The following ATP2C1 variants were observed in gnomAD, a reference collection of about 807,000 sequenced individuals.
The protein encoded by ATP2C1 is calcium-transporting ATPase type 2C member 1.
A neutral mutation model predicts 120.5 loss-of-function variants in ATP2C1; 31 were observed. The ratio of observed to expected loss-of-function variants is 0.26; its 90% CI spans 0.19 to 0.35. The LOEUF (loss-of-function observed/expected upper bound fraction) is 0.35. Ranked by LOEUF, ATP2C1 falls within the 10% of genes least tolerant of loss-of-function variation. The pLI, the probability that ATP2C1 is intolerant of heterozygous loss-of-function variation, is 1.00. For missense variants in ATP2C1, 731 were observed against 1,107.5 expected (o/e 0.66, Z 4.83); for synonymous variants, 351 against 358.7 (o/e 0.98, Z 0.24).
chr3:130,906,674 TG>T, intron 2 of ATP2C1, among the ~76,000 whole-genome samples: 1 of 136,896 alleles, frequency 7.3e-6, no homozygotes, highest in Non-Finnish European at 1.6e-5. Flanking sequence ...AACATTTTGC[TG>T]TTTTTTTTTT....
At chr3:130,982,444 A>T (rs943785935) in intron 20 of ATP2C1, among the ~76,000 whole-genome samples, 2 of 152,202 alleles carry the variant, frequency 1.3e-5, no homozygotes, top group Non-Finnish European at 2.9e-5. Context: ...TAAGGGGCCT[A>T]TCAAAGCCTG....
At chr3:130,972,539 T>C (rs2061368009) in intron 17 of ATP2C1, among the ~76,000 whole-genome samples, 2 of 151,174 alleles carry the variant, frequency 1.3e-5, no homozygotes, top group South Asian at 4.2e-4. Context: ...TAGTTACATA[T>C]GTATACATGT....
At chr3:130,891,239 A>AT, upstream of ATP2C1, among the ~76,000 whole-genome samples, 1 of 152,166 alleles carries the variant, frequency 6.6e-6, no homozygotes, top group Non-Finnish European at 1.5e-5. Flanking sequence ...TTTTAAAATA[A>AT]TTTTTTCCAA....
chr3:130,928,357 G>A (rs186064639), intron 2 of ATP2C1: 19 of 152,188 alleles, frequency 1.2e-4, no homozygotes, highest in South Asian at 4.1e-4. Flanking sequence ...AAATAATACC[G>A]TTTCCTACTC....
At chr3:130,979,497 T>A (rs1235277980) in intron 19 of ATP2C1, 78 bp downstream of exon 19, 1 of 1,392,478 alleles carries the variant, frequency 7.2e-7, no homozygotes. Flanking sequence ...GAACTATTAG[T>A]TATGAATATG....
chr3:130,941,750 A>C (rs1252075259), intron 8 of ATP2C1, 51 bp downstream of exon 8: 1 of 1,353,012 alleles, frequency 7.4e-7, no homozygotes, highest in East Asian at 2.3e-5. Flanking sequence ...ATGTAGATTA[A>C]AGGATAAACA....
At chr3:131,016,366 G>GT (rs1560057400) in exon 27 of ATP2C1, 1 of 1,613,308 alleles carries the variant, frequency 6.2e-7, no homozygotes, top group South Asian at 1.1e-5. Flanking sequence ...CCCAAGGGCA[G>GT]TATTTCTAAA....
chr3:130,905,247 A>G (rs935764338), intron 2 of ATP2C1, among the ~76,000 whole-genome samples: 1 of 152,040 alleles, frequency 6.6e-6, no homozygotes, highest in African/African-American at 2.4e-5. Context: ...GGTAACATGT[A>G]TGAACACATA....
At chr3:130,913,746 C>T (rs10460783) in intron 2 of ATP2C1, among the ~76,000 whole-genome samples, 2 of 152,208 alleles carry the variant, frequency 1.3e-5, no homozygotes, top group East Asian at 3.9e-4. Flanking sequence ...TAAAATTAGT[C>T]CCCTAAACTG....
At chr3:130,993,496 T>C (rs2062450047) in intron 21 of ATP2C1, among the ~76,000 whole-genome samples, 2 of 152,226 alleles carry the variant, frequency 1.3e-5, no homozygotes, top group African/African-American at 4.8e-5. Flanking sequence ...CTTGGCACCA[T>C]TGACATTTTG....
chr3:130,959,475 C>T, intron 12 of ATP2C1, 134 bp downstream of exon 12: 2 of 580,512 alleles, frequency 3.4e-6, no homozygotes, highest in South Asian at 4.2e-5. Context: ...ATAAATAGTT[C>T]AGAAGTCATA....
intron 1 of ATP2C1, among the ~76,000 whole-genome samples, chr3:130,881,690 A>C (rs1014578183): frequency 6.6e-6 from 1 of 152,252 alleles, no homozygotes; most frequent in Non-Finnish European, 1.5e-5. Flanking sequence ...TTCCATGAAT[A>C]TAGAATATGT....
chr3:130,944,337 T>G (rs1482021552), intron 8 of ATP2C1, among the ~76,000 whole-genome samples: 1 of 152,238 alleles, frequency 6.6e-6, no homozygotes, highest in East Asian at 1.9e-4. Flanking sequence ...GGTTGTGTCT[T>G]AGCTTGGGTT....
intron 21 of ATP2C1, among the ~76,000 whole-genome samples, chr3:130,993,528 G>T (rs2062451790): frequency 6.6e-6 from 1 of 152,144 alleles, no homozygotes; most frequent in Admixed American, 6.5e-5. Context: ...TCCTTGTTGT[G>T]AAGGGCTGCC....
intron 20 of ATP2C1, among the ~76,000 whole-genome samples, chr3:130,985,450 T>G (rs1294768084): frequency 6.6e-6 from 1 of 151,990 alleles, no homozygotes; most frequent in African/African-American, 2.4e-5. Flanking sequence ...CTGGCCAACA[T>G]GGCGAAACCC....
chr3:130,924,442 A>G (rs2059112285), intron 2 of ATP2C1, among the ~76,000 whole-genome samples: 1 of 152,122 alleles, frequency 6.6e-6, no homozygotes, highest in Non-Finnish European at 1.5e-5. Context: ...TGAAAGATAC[A>G]CTGTTAATCT....
chr3:130,894,295 G>T lies in ATP2C1; in HGVS notation c.-223G>T. 4.1e-6 allele frequency: 4 copies of T among 986,976 alleles called. No individual in the cohort carries two copies. The highest frequency in any genetic ancestry group is 4.8e-6 in the Non-Finnish European group (4 of 830,848). 61.1% of individuals were successfully genotyped at this position (986,976 alleles called of 1,614,324 possible). ...GCGGGGCGCCCCCGCGAGCCCCGCG[G>T]CTGAGACCCCGCAGCCTGGAGGAGG... is the stretch of plus-strand genomic sequence containing the variant. On this transcript the variant is annotated 5_prime_UTR_variant, in exon 1 of 28. Transcript: ENST00000510168. The surrounding 1 kb of genome is among the most constrained non-coding windows in gnomAD (Gnocchi z 4.5).
At chr3:130,986,523 G>A (rs1295105249) in intron 20 of ATP2C1, among the ~76,000 whole-genome samples, 1 of 152,126 alleles carries the variant, frequency 6.6e-6, no homozygotes, top group Admixed American at 6.5e-5. Flanking sequence ...CACATTGTTG[G>A]GGTTTCCCAA....
chr3:130,992,435 A>G (rs2062400507), intron 20 of ATP2C1, among the ~76,000 whole-genome samples: 1 of 152,198 alleles, frequency 6.6e-6, no homozygotes, highest in Admixed American at 6.5e-5. Context: ...TGGAGAGATA[A>G]AAATCATATA....
Sources: gnomAD v4.1 joint callset for allele counts (sites outside exome capture counted in the v4.1 genomes callset) on GRCh38, gnomAD v4.1.1 for gene constraint, Gnocchi (gnomAD v3.1) non-coding constraint, MANE v1.5 for transcripts, NCBI Gene and HGNC (gene_info 2026-07-23, HGNC 2026-07-21) for gene names.